Variants in NNT observed in about 807,000 individuals in gnomAD.
NNT encodes NAD(P) transhydrogenase, mitochondrial.
In NNT, 50 loss-of-function variants were observed where a neutral mutation model predicts 104.8. That is an observed-to-expected ratio of 0.48 (90% CI 0.38 to 0.60). The LOEUF (loss-of-function observed/expected upper bound fraction) is 0.60. Ranked by LOEUF, NNT falls within the 20% of genes least tolerant of loss-of-function variation. The pLI is 0.00. For synonymous variants in NNT, 461 were observed against 490.4 expected (o/e 0.94, Z 0.79); for missense variants, 1,131 against 1,330.7 (o/e 0.85, Z 2.33).
At position 43,647,858 on chromosome 5, in the gene NNT, CAT is replaced by C. The variant is rs1739535871; in HGVS notation, c.1445-1288_1445-1287del. The C allele has an allele frequency of 6.6e-6, 3 of 455,262 alleles. No homozygotes were observed. In the Admixed American group the frequency reaches 7.1e-5, roughly 11 times the overall value. The allele number at this position is 455,262 out of a possible 1,614,324, so 28.2% of individuals were successfully genotyped here. On this transcript the variant is annotated intron_variant, in intron 10 of 21. Transcript: ENST00000344920. ...CCTAGGCATTGTGCTAAATACTTCA[CAT>C]GTCTTAGCTCATTTATTTTTTACAA...
At chr5:43,645,709 A>ATATTTTT (rs1401026662) in intron 10 of NNT, 199 bp downstream of exon 10, 3 of 44,290 alleles carry the variant, frequency 6.8e-5, no homozygotes, top group African/African-American at 2.1e-4. Flanking sequence ...ATATATATAT[A>ATATTTTT]TTTTTTTTTT....
chr5:43,701,617 C>T (rs189698021), intron 20 of NNT, among the ~76,000 whole-genome samples: 1 of 152,058 alleles, frequency 6.6e-6, no homozygotes, highest in Non-Finnish European at 1.5e-5. Context: ...ATTGCTGGGT[C>T]AAGTAGGAGT....
At chr5:43,691,598 A>C (rs543894354) in intron 19 of NNT, among the ~76,000 whole-genome samples, 1 of 152,326 alleles carries the variant, frequency 6.6e-6, no homozygotes, top group South Asian at 2.1e-4. Flanking sequence ...TGAAATGTTG[A>C]TTTGAAATTG....
chr5:43,612,891 C>A lies in NNT; in HGVS notation c.152-17C>A. 6.5e-7 allele frequency: 1 copy of A among 1,529,866 alleles called. No individual in the cohort carries two copies. Among genetic ancestry groups the A allele is most frequent in the Non-Finnish European group, 9.0e-7 (1 of 1,116,884 alleles). The allele number at this position is 1,529,866 out of a possible 1,614,324, so 94.8% of individuals were successfully genotyped here. A position where few individuals can be genotyped will look rare whatever the true frequency, so the allele number is the denominator to read the frequency against. On this transcript the variant is annotated splice_polypyrimidine_tract_variant and intron_variant, in intron 2 of 21. Coordinates refer to ENST00000344920, the MANE Select transcript of NNT (RefSeq NM_182977.3). ...TTTTACCAAATATATATTTTTTTTG[C>A]CTTTGCTTGTTTCTAGGAATTCCAT...
chr5:43,678,908 T>C (rs1741561749), intron 19 of NNT, among the ~76,000 whole-genome samples: 1 of 152,236 alleles, frequency 6.6e-6, no homozygotes, highest in African/African-American at 2.4e-5. Context: ...ACTTCCTTTC[T>C]TGTCTCACTC....
chr5:43,608,134 T>A (rs1445203811), intron 1 of NNT, among the ~76,000 whole-genome samples: 1 of 152,098 alleles, frequency 6.6e-6, no homozygotes, highest in East Asian at 1.9e-4. Context: ...TTTCACCATG[T>A]TGGTCAGGCT....
chr5:43,624,441 T>C (rs1351143569), intron 6 of NNT, among the ~76,000 whole-genome samples: 9 of 152,184 alleles, frequency 5.9e-5, no homozygotes, highest in African/African-American at 1.4e-4. Context: ...CAAAGATGTT[T>C]GTGAATCTGA....
chr5:43,609,338 T>C lies in NNT; in HGVS notation c.143T>C (p.Val48Ala). Reference sequence around the variant, plus strand: ...CAAGAACTGTGGTGTAAAGCGCCTGTAAAACCAGGTAAAGTCTCACTTCAG... The same window carrying C: ...CAAGAACTGTGGTGTAAAGCGCCTGCAAAACCAGGTAAAGTCTCACTTCAG... ...THQELWCKAP[V>A]KPGIPYKQLT... Residue 48 changes from valine (V) to alanine (A), a missense_variant, in exon 2 of 22, where the codon GTA (valine) becomes GCA (alanine). Val to Ala is a moderately conservative substitution (Grantham distance 64). Transcript: ENST00000344920. The C allele has an allele frequency of 6.2e-7, 1 of 1,613,850 alleles. No homozygotes were observed. The highest frequency in any genetic ancestry group is 8.5e-7 in the Non-Finnish European group (1 of 1,179,830).
intron 16 of NNT, among the ~76,000 whole-genome samples, chr5:43,657,194 C>G (rs988227118): frequency 6.6e-6 from 1 of 152,296 alleles, no homozygotes; most frequent in South Asian, 2.1e-4. Context: ...GTAAGATAGT[C>G]TCTGCCCACC....
chr5:43,675,388 A>G, intron 17 of NNT, 123 bp from the exon 18 acceptor site: 1 of 784,332 alleles, frequency 1.3e-6, no homozygotes, highest in South Asian at 3.7e-5. Context: ...TATCTGATTA[A>G]AGTGTTTTAA....
At chr5:43,667,995 C>T (rs77631425) in intron 17 of NNT, among the ~76,000 whole-genome samples, 150,514 of 152,354 alleles carry the variant, frequency 0.99, 74,453 homozygotes, top group Middle Eastern at 1. Flanking sequence ...ATTGTGGTTT[C>T]GATTTACATT....
In NNT at chr5:43,666,905, C is replaced by G. The variant is rs1740730526; in HGVS notation, c.2634+7555C>G. The G allele has an allele frequency of 5.7e-6, 9 of 1,571,700 alleles. No homozygotes were observed. In the South Asian group the frequency reaches 1.0e-4, roughly 17 times the overall value. Reference sequence around the variant, plus strand: ...AGCCTGGGCCCCTTGGCAATACAGGCACAAACACGCTTCCCAAGCTTGGGG... The same window carrying G: ...AGCCTGGGCCCCTTGGCAATACAGGGACAAACACGCTTCCCAAGCTTGGGG... On this transcript the variant is annotated intron_variant, in intron 17 of 21. Transcript: ENST00000344920.
At chr5:43,638,497 A>G (rs1385119173) in intron 7 of NNT, among the ~76,000 whole-genome samples, 1 of 152,122 alleles carries the variant, frequency 6.6e-6, no homozygotes, top group Non-Finnish European at 1.5e-5. Flanking sequence ...TCTATTTTAC[A>G]TTTAGTCAAT....
At chr5:43,677,106 C>T (rs1197552361) in intron 18 of NNT, among the ~76,000 whole-genome samples, 3 of 151,636 alleles carry the variant, frequency 2.0e-5, no homozygotes, top group Admixed American at 6.6e-5. Context: ...TTTTTTGAGA[C>T]ATTAAATTTG....
intron 1 of NNT, among the ~76,000 whole-genome samples, chr5:43,605,615 G>T (rs1749180989): frequency 6.6e-6 from 1 of 151,102 alleles, no homozygotes; most frequent in African/African-American, 2.4e-5. Context: ...AAAGCCACAG[G>T]AACACATGGA....
chr5:43,652,030 C>A, intron 13 of NNT, 146 bp downstream of exon 13: 1 of 851,468 alleles, frequency 1.2e-6, no homozygotes, highest in Non-Finnish European at 1.8e-6. Context: ...ACATCTTGGT[C>A]AAACTGAGCA....
intron 7 of NNT, among the ~76,000 whole-genome samples, chr5:43,641,181 G>T (rs1207326618): frequency 2.0e-5 from 3 of 152,076 alleles, no homozygotes; most frequent in Admixed American, 6.6e-5. Flanking sequence ...CCAGGGTAAG[G>T]TAGTATTCTG....
chr5:43,680,194 G>A (rs1045690284), intron 19 of NNT, among the ~76,000 whole-genome samples: 22 of 151,912 alleles, frequency 1.4e-4, no homozygotes, highest in East Asian at 7.7e-4. Flanking sequence ...TGCTTTGTGC[G>A]TGTGTTAGCT....
chr5:43,622,955 CTT>C (rs1750175454), intron 5 of NNT, among the ~76,000 whole-genome samples: 1 of 138,756 alleles, frequency 7.2e-6, no homozygotes, highest in African/African-American at 2.7e-5. Flanking sequence ...TTCTTTCTTT[CTT>C]TTTTTCTTTC....
Sources: gnomAD v4.1 joint callset for allele counts (sites outside exome capture counted in the v4.1 genomes callset) on GRCh38, gnomAD v4.1.1 for gene constraint, MANE v1.5 for transcripts, NCBI Gene and HGNC (gene_info 2026-07-23, HGNC 2026-07-21) for gene names.